Variants in CLASRP observed in about 807,000 individuals in gnomAD.
CLASRP encodes CLK4 associating serine/arginine rich protein.
CLASRP carries 52 observed loss-of-function variants against 99.9 expected under a neutral mutation model. That is an observed-to-expected ratio of 0.52 (90% CI 0.42 to 0.66). The LOEUF (loss-of-function observed/expected upper bound fraction) is 0.66. Ranked by LOEUF, CLASRP falls within the 30% of genes least tolerant of loss-of-function variation. CLASRP has a pLI of 0.00. For synonymous variants in CLASRP, 379 were observed against 373.0 expected (o/e 1.02, Z -0.18); for missense variants, 848 against 999.2 (o/e 0.85, Z 2.04).
At chr19:45,044,855 T>C (rs897056470) in intron 2 of CLASRP, among the ~76,000 whole-genome samples, 3 of 152,146 alleles carry the variant, frequency 2.0e-5, no homozygotes, top group Non-Finnish European at 2.9e-5. Flanking sequence ...GTCATGGGGC[T>C]CTGGGTTCAA....
At position 45,064,496 on chromosome 19, in the gene CLASRP, C is replaced by A; in HGVS notation, c.1275C>A (p.Ser425=). ...ARSRSRSWSR[S]RSRSRRYSRS... is the part of the protein sequence containing the mutation. Reference sequence around the variant, plus strand: ...CCCGGTCCCGCTCCTGGTCCCGCTCCCGCTCCCGCTCCCGGCGCTATTCCC... The same window carrying A: ...CCCGGTCCCGCTCCTGGTCCCGCTCACGCTCCCGCTCCCGGCGCTATTCCC... The change falls in exon 13 of 21, where the codon TCC becomes TCA. Residue 425 remains serine (S), a synonymous_variant. Transcript: ENST00000221455. 6.5e-7 allele frequency: 1 copy of A among 1,536,150 alleles called. No individual in the cohort carries two copies. The highest frequency in any genetic ancestry group is 8.7e-7 in the Non-Finnish European group (1 of 1,145,752).
At chr19:45,069,920 G>A in intron 18 of CLASRP, 102 bp from the exon 19 acceptor site, 1 of 703,716 alleles carries the variant, frequency 1.4e-6, no homozygotes, top group Non-Finnish European at 2.6e-6. Flanking sequence ...CGGCCCCCTT[G>A]GTTTACTGTC....
intron 2 of CLASRP, among the ~76,000 whole-genome samples, chr19:45,051,171 A>G (rs1972015661): frequency 2.6e-5 from 4 of 152,044 alleles, no homozygotes; most frequent in African/African-American, 9.7e-5. Flanking sequence ...AAGTGTCCAC[A>G]CCAGTCTCTA....
In CLASRP at chr19:45,060,678, C is replaced by A; in HGVS notation, c.863+51C>A. On this transcript the variant is annotated intron_variant, in intron 10 of 20. Transcript: ENST00000221455. The surrounding 1 kb of genome is among the most constrained non-coding windows in gnomAD (Gnocchi z 4.6). The stretch of plus-strand genomic sequence containing the variant: ...CCTGCTGGCATCTGGGGGAGGAGAG[C>A]AGGGGCTTAGGGCCTGAGAAAGCTC... 2 of 1,437,138 alleles carry A rather than the reference C, an allele frequency of 1.4e-6. No homozygotes were observed. Among genetic ancestry groups the A allele is most frequent in the Non-Finnish European group, 9.4e-7 (1 of 1,059,978 alleles). The allele number at this position is 1,437,138 out of a possible 1,614,324, so 89.0% of individuals were successfully genotyped here.
chr19:45,052,864 G>C lies in CLASRP; in HGVS notation c.271G>C (p.Asp91His), dbSNP rs772981283. 1 of 1,611,690 alleles carries C rather than the reference G, an allele frequency of 6.2e-7. No homozygotes were observed. Among genetic ancestry groups the C allele is most frequent in the South Asian group, 1.1e-5 (1 of 90,830 alleles). The change falls in exon 4 of 21, where the codon GAC becomes CAC. Residue 91 changes from aspartate to histidine, a missense_variant. This residue lies in a region of CLASRP where 54 missense variants were observed against 38.7 expected (regional missense o/e 1.39). Transcript: ENST00000221455. ...DVRAHLDHIP[D>H]YTPPLLTTIS... ...CCGTGCCCACCTGGACCACATCCCC[G>C]ACTACACCCCCCCTCTGCTCACCAC... is the stretch of plus-strand genomic sequence containing the variant.
chr19:45,068,940 A>G, intron 16 of CLASRP, 126 bp from the exon 17 acceptor site: 1 of 878,436 alleles, frequency 1.1e-6, no homozygotes, highest in Non-Finnish European at 1.8e-6. Context: ...CAGTGAGCCA[A>G]GATCACGCCA....
chr19:45,056,545 G>A lies in CLASRP; in HGVS notation c.464+11G>A. The A allele has an allele frequency of 6.2e-7, 1 of 1,612,296 alleles. No homozygotes were observed. Among genetic ancestry groups the A allele is most frequent in the African/African-American group, 1.3e-5 (1 of 75,018 alleles). ...AGATGAGAAGAAGAAGTGAGTCGGG[G>A]TCTGGGGTGCAGGGGGTTGAGGAGG... On this transcript the variant is annotated intron_variant, in intron 6 of 20. Transcript: ENST00000221455.
intron 2 of CLASRP, among the ~76,000 whole-genome samples, chr19:45,041,109 T>C (rs1007804962): frequency 2.0e-5 from 3 of 151,572 alleles, no homozygotes; most frequent in African/African-American, 7.3e-5. Context: ...TAGTCCCAGC[T>C]ACTCGGGAGG....
chr19:45,069,144 G>T lies in CLASRP; in HGVS notation c.1827+20G>T, dbSNP rs748001657. On this transcript the variant is annotated intron_variant, in intron 17 of 20. Transcript: ENST00000221455. ...CGGCAGGTGAAGTGGGAAAGGGAGG[G>T]CTGGGGTGACGGGTGGGTGCTGGCC... 1.9e-6 allele frequency: 3 copies of T among 1,613,912 alleles called. No individual in the cohort carries two copies. The African/African-American group carries it at 4.0e-5, about 22-fold the overall frequency.
chr19:45,064,485 TGGTCCCGCTCCC>T lies in CLASRP; in HGVS notation c.1266_1277del (p.Trp422_Arg426delinsCys), dbSNP rs1568420643. On this transcript the variant is annotated inframe_deletion, in exon 13 of 21. Coordinates refer to ENST00000221455, the MANE Select transcript of CLASRP (RefSeq NM_007056.3). Reference sequence around the variant, plus strand: ...CCACGCCCGCTCCCGGTCCCGCTCCTGGTCCCGCTCCCGCTCCCGCTCCCGGCGCTATTCCCG... The same window carrying T: ...CCACGCCCGCTCCCGGTCCCGCTCCTGCTCCCGCTCCCGGCGCTATTCCCG... The T allele has an allele frequency of 6.6e-7, 1 of 1,517,716 alleles. No individual in the cohort carries two copies. Among genetic ancestry groups the T allele is most frequent in the African/African-American group, 1.4e-5 (1 of 71,570 alleles). The allele number at this position is 1,517,716 out of a possible 1,614,324, so 94.0% of individuals were successfully genotyped here.
chr19:45,064,053 G>A lies in CLASRP; in HGVS notation c.947G>A (p.Arg316His), dbSNP rs751282614. 16 of 1,612,556 alleles carry A rather than the reference G, an allele frequency of 9.9e-6. No individual in the cohort carries two copies. In the South Asian group the frequency reaches 1.1e-4, roughly 11 times the overall value. Reference protein sequence around the residue: ...ESSSESRSRSRSPTPGREEKI... With the variant: ...ESSSESRSRSHSPTPGREEKI... ...AGCTCAGAGTCCCGCTCCCGCTCCCGCTCCCCGACCCCGGGCCGCGAGGAG... is the reference window on the plus strand; with the variant it reads ...AGCTCAGAGTCCCGCTCCCGCTCCCACTCCCCGACCCCGGGCCGCGAGGAG... Residue 316 changes from arginine (R) to histidine (H), a missense_variant, in exon 12 of 21, where the codon CGC becomes CAC. Arg to His is a conservative substitution (Grantham distance 29). Around this residue, in one of 8 missense-constraint regions of CLASRP, gnomAD observed 489 missense variants for 434.7 expected, o/e 1.12. Coordinates refer to ENST00000221455, the MANE Select transcript of CLASRP (RefSeq NM_007056.3).
At chr19:45,063,719 G>C (rs1286690018) in intron 11 of CLASRP, among the ~76,000 whole-genome samples, 1 of 151,940 alleles carries the variant, frequency 6.6e-6, no homozygotes, top group Non-Finnish European at 1.5e-5. Flanking sequence ...CACAGTGCTG[G>C]GATTACAGGT....
At chr19:45,059,500 C>A in intron 8 of CLASRP, 136 bp downstream of exon 8, 2 of 730,010 alleles carry the variant, frequency 2.7e-6, no homozygotes. Flanking sequence ...TTTACACATG[C>A]AGGTCCCTGA....
At position 45,060,735 on chromosome 19, in the gene CLASRP, G is replaced by A. The variant is rs112952239; in HGVS notation, c.863+108G>A. 0.013 allele frequency: 11,078 copies of A among 864,666 alleles called. 95 individuals carry two copies. Among genetic ancestry groups the A allele is most frequent in the South Asian group, 0.019 (1,094 of 56,504 alleles). The allele number at this position is 864,666 out of a possible 1,614,324, so 53.6% of individuals were successfully genotyped here. A position where few individuals can be genotyped will look rare whatever the true frequency, so the allele number is the denominator to read the frequency against. On this transcript the variant is annotated intron_variant, in intron 10 of 20. Coordinates refer to ENST00000221455, the MANE Select transcript of CLASRP (RefSeq NM_007056.3). The surrounding 1 kb of genome is among the most constrained non-coding windows in gnomAD (Gnocchi z 4.6). ...GGCAGGCATTTGACTTGAGAAAGGAGTCTTTCTAGTGGGGCGATGCATGGC... is the reference window on the plus strand; with the variant it reads ...GGCAGGCATTTGACTTGAGAAAGGAATCTTTCTAGTGGGGCGATGCATGGC...
intron 11 of CLASRP, among the ~76,000 whole-genome samples, 182 bp from the exon 12 acceptor site, chr19:45,063,830 A>G (rs1600110884): frequency 6.6e-6 from 1 of 152,106 alleles, no homozygotes; most frequent in East Asian, 1.9e-4. Context: ...CGAAGGCTGC[A>G]TGGTTGTGAG....
At chr19:45,066,479 C>G (rs777529547) in intron 13 of CLASRP, among the ~76,000 whole-genome samples, 2 of 151,256 alleles carry the variant, frequency 1.3e-5, no homozygotes, top group East Asian at 3.9e-4. Flanking sequence ...AAAAATTAGC[C>G]GGGTGTGGTT....
At chr19:45,059,572 G>A (rs1024500970) in intron 8 of CLASRP, among the ~76,000 whole-genome samples, 46 of 152,202 alleles carry the variant, frequency 3.0e-4, no homozygotes, top group African/African-American at 1.1e-3. Flanking sequence ...AAGTCACCCA[G>A]CCTGCCCTAC....
Position 45,064,066 on chromosome 19 carries a change from G to T in CLASRP, c.960G>T (p.Pro320=), listed in dbSNP as rs748885420. 2 of 1,607,726 alleles carry T rather than the reference G, an allele frequency of 1.2e-6. No individual in the cohort carries two copies. Residue 320 remains proline, a synonymous_variant, in exon 12 of 21, where the codon CCG becomes CCT. Transcript: ENST00000221455. ...GCTCCCGCTCCCGCTCCCCGACCCC[G>T]GGCCGCGAGGAGAAGATCACGTTCA... The part of the protein sequence containing the change: ...ESRSRSRSPT[P]GREEKITFIT...
intron 5 of CLASRP, among the ~76,000 whole-genome samples, chr19:45,055,334 G>A (rs530305650): frequency 3.9e-5 from 6 of 152,234 alleles, no homozygotes; most frequent in Non-Finnish European, 8.8e-5. Flanking sequence ...GTGTCAGCCA[G>A]GACTGTGAGC....
Sources: allele counts gnomAD v4.1 joint callset (sites outside exome capture counted in the v4.1 genomes callset), GRCh38; gene constraint gnomAD v4.1.1; regional missense constraint gnomAD v4.1.1; non-coding constraint Gnocchi (gnomAD v3.1); transcripts MANE v1.5; gene names NCBI Gene and HGNC (gene_info 2026-07-23, HGNC 2026-07-21).